DOCK3: variants seen among roughly 807,000 people sequenced by gnomAD.
DOCK3 encodes the protein dedicator of cytokinesis protein 3.
DOCK3 carries 60 observed loss-of-function variants against 265.6 expected under a neutral mutation model. That is an observed-to-expected ratio of 0.23 (90% confidence interval 0.18 to 0.28). The LOEUF (loss-of-function observed/expected upper bound fraction) is 0.28. DOCK3 is among the 10% of genes least tolerant of loss of function. DOCK3 has a pLI of 1.00. For missense variants in DOCK3, 1,981 were observed against 2,594.3 expected (o/e 0.76, Z 5.14); for synonymous variants, 881 against 938.0 (o/e 0.94, Z 1.11).
chr3:50,981,959 C>T (rs1456018257), intron 5 of DOCK3, among the ~76,000 whole-genome samples: 2 of 152,302 alleles, frequency 1.3e-5, no homozygotes, highest in African/African-American at 4.8e-5. Context: ...AAGCAGCTCT[C>T]CTGTCTCAGC....
At chr3:51,030,131 G>A (rs4443210) in intron 5 of DOCK3, among the ~76,000 whole-genome samples, 115,491 of 151,990 alleles carry the variant, frequency 0.76, 44,878 homozygotes, top group Middle Eastern at 0.88. Context: ...TTTTCTGTGC[G>A]CCCCACTTCT....
At chr3:51,305,365 A>G (rs575837799) in intron 27 of DOCK3, among the ~76,000 whole-genome samples, 1 of 152,332 alleles carries the variant, frequency 6.6e-6, no homozygotes, top group African/African-American at 2.4e-5. Flanking sequence ...TCTGATGTTA[A>G]TATAGCCATA....
rs1457756323 is a variant in DOCK3 at position 51,207,192 on chromosome 3, G to T, written c.1038-1582G>T. 8.5e-5 allele frequency among the ~76,000 whole-genome samples: 13 copies of T among 152,088 alleles called. 1 individual carries two copies. Among genetic ancestry groups the T allele is most frequent in the African/African-American group, 3.1e-4 (13 of 41,416 alleles). ...AAGGGGTATGCAAGGGGAGAGGAAT[G>T]GCAGGAACAGGCTGTCAGTTGTCTA... On this transcript the variant is annotated intron_variant, in intron 12 of 52. Coordinates refer to ENST00000266037, the MANE Select transcript of DOCK3 (RefSeq NM_004947.5).
chr3:51,131,904 A>G (rs1240921141), intron 9 of DOCK3, among the ~76,000 whole-genome samples: 1 of 152,214 alleles, frequency 6.6e-6, no homozygotes, highest in African/African-American at 2.4e-5. Context: ...TCTTCAAATT[A>G]TAGGCCATCT....
At chr3:51,083,828 GAAA>G in intron 7 of DOCK3, among the ~76,000 whole-genome samples, 1 of 151,992 alleles carries the variant, frequency 6.6e-6, no homozygotes, top group East Asian at 1.9e-4. Flanking sequence ...ACTAAAAATA[GAAA>G]AAATTAACCA....
At chr3:50,907,740 A>C (rs2049607083) in intron 4 of DOCK3, among the ~76,000 whole-genome samples, 2 of 152,082 alleles carry the variant, frequency 1.3e-5, no homozygotes, top group Non-Finnish European at 2.9e-5. Flanking sequence ...TGGAGCATTT[A>C]GCCCATTTAC....
At chr3:51,203,737 A>C (rs1290888730) in intron 12 of DOCK3, among the ~76,000 whole-genome samples, 1 of 152,212 alleles carries the variant, frequency 6.6e-6, no homozygotes, top group African/African-American at 2.4e-5. Flanking sequence ...ACAAAGCTGG[A>C]GGCATCACGC....
intron 9 of DOCK3, among the ~76,000 whole-genome samples, chr3:51,134,171 A>G (rs1349812250): frequency 1.3e-5 from 2 of 152,066 alleles, no homozygotes; most frequent in Non-Finnish European, 1.5e-5. Flanking sequence ...TTCTTTATCC[A>G]GTCTACCATT....
At chr3:50,938,532 G>T (rs1300060653) in intron 5 of DOCK3, among the ~76,000 whole-genome samples, 7 of 151,726 alleles carry the variant, frequency 4.6e-5, no homozygotes, top group African/African-American at 1.7e-4. Context: ...GAACAAATTC[G>T]ACAAGTTTGT....
intron 2 of DOCK3, among the ~76,000 whole-genome samples, chr3:50,827,680 AC>A (rs1176299168): frequency 6.6e-6 from 1 of 152,106 alleles, no homozygotes; most frequent in African/African-American, 2.4e-5. Context: ...TTTTGCATCA[AC>A]CTATAGCTTG....
intron 22 of DOCK3, among the ~76,000 whole-genome samples, chr3:51,255,077 C>G (rs2079473765): frequency 1.3e-5 from 2 of 152,198 alleles, no homozygotes; most frequent in Non-Finnish European, 2.9e-5. Flanking sequence ...GACAAAATCT[C>G]TCAGCATTTG....
At chr3:50,901,428 A>C (rs1402674839) in intron 4 of DOCK3, among the ~76,000 whole-genome samples, 1 of 151,890 alleles carries the variant, frequency 6.6e-6, no homozygotes, top group Non-Finnish European at 1.5e-5. Context: ...AATGAGATCC[A>C]CTGAGCTAGA....
At chr3:51,059,513 T>G (rs986194677) in intron 5 of DOCK3, among the ~76,000 whole-genome samples, 2 of 150,726 alleles carry the variant, frequency 1.3e-5, no homozygotes, top group African/African-American at 4.9e-5. Context: ...CCACATTACT[T>G]TTAATTAGTT....
chr3:50,775,867 T>C (rs1329517274), intron 1 of DOCK3, among the ~76,000 whole-genome samples: 2 of 152,068 alleles, frequency 1.3e-5, no homozygotes, highest in Non-Finnish European at 1.5e-5. Context: ...TTTCTTCACT[T>C]AGAATAATGG....
intron 5 of DOCK3, among the ~76,000 whole-genome samples, chr3:51,030,212 A>G (rs1039728170): frequency 6.6e-6 from 1 of 152,108 alleles, no homozygotes; most frequent in Admixed American, 6.5e-5. Context: ...CCATTCACTA[A>G]TAACTTTGAT....
intron 4 of DOCK3, among the ~76,000 whole-genome samples, chr3:50,922,372 C>A (rs1262535621): frequency 1.3e-5 from 2 of 152,236 alleles, no homozygotes; most frequent in Non-Finnish European, 2.9e-5. Flanking sequence ...GGGATATAAT[C>A]TCCTGGTGTG....
At chr3:51,228,204 A>G (rs1207034609) in intron 17 of DOCK3, 116 bp downstream of exon 17, 1 of 988,474 alleles carries the variant, frequency 1.0e-6, no homozygotes, top group Non-Finnish European at 1.6e-6. Flanking sequence ...AGGGAAGTGC[A>G]CTGGTGGGTG....
intron 5 of DOCK3, among the ~76,000 whole-genome samples, chr3:50,980,123 T>A (rs1474341059): frequency 6.6e-6 from 1 of 152,210 alleles, no homozygotes; most frequent in Non-Finnish European, 1.5e-5. Flanking sequence ...TATTTTGAGA[T>A]ATGTTCCTTC....
chr3:51,308,583 T>G (rs1031260256), intron 27 of DOCK3, among the ~76,000 whole-genome samples: 1 of 152,306 alleles, frequency 6.6e-6, no homozygotes, highest in African/African-American at 2.4e-5. Flanking sequence ...TTTTTCTTAG[T>G]ACAGAACAAA....
Sources: allele counts gnomAD v4.1 joint callset (sites outside exome capture counted in the v4.1 genomes callset), GRCh38; gene constraint gnomAD v4.1.1; transcripts MANE v1.5; gene names NCBI Gene and HGNC (gene_info 2026-07-23, HGNC 2026-07-21).